The following MTMR3 variants were observed in gnomAD, a reference collection of about 807,000 sequenced individuals.
MTMR3 encodes phosphatidylinositol-3,5-bisphosphate 3-phosphatase MTMR3.
A neutral mutation model predicts 132.4 loss-of-function variants in MTMR3; 32 were observed. The observed-to-expected ratio is 0.24, with a 90% confidence interval of 0.18 to 0.32. The LOEUF (loss-of-function observed/expected upper bound fraction) is 0.32. MTMR3 is among the 10% of genes least tolerant of loss of function. The pLI is 1.00. For synonymous variants in MTMR3, 556 were observed against 550.3 expected, an observed-to-expected ratio of 1.01 and a Z score of -0.14; for missense variants, 1,216 against 1,489.6, an observed-to-expected ratio of 0.82 and a Z score of 3.02.
Position 30,007,103 on chromosome 22 carries a change from TC to T in MTMR3, c.672-9del. On this transcript the variant is annotated splice_polypyrimidine_tract_variant and intron_variant, in intron 9 of 19. Coordinates refer to ENST00000401950, the MANE Select transcript of MTMR3 (RefSeq NM_021090.4). Reference sequence around the variant, plus strand: ...AATGGGTACAGTTGTTGTCTCTTGTTCCTCACACAGGCACCAGAGCAATGGA... The same window carrying T: ...AATGGGTACAGTTGTTGTCTCTTGTTCTCACACAGGCACCAGAGCAATGGA... 6.2e-7 allele frequency: 1 copy of T among 1,613,136 alleles called. No individual in the cohort carries two copies. The highest frequency in any genetic ancestry group is 1.9e-4 in the Middle Eastern group (1 of 5,386).
intron 14 of MTMR3, 90 bp downstream of exon 14, chr22:30,013,631 C>G: frequency 2.4e-6 from 3 of 1,235,902 alleles, no homozygotes; most frequent in Non-Finnish European, 3.3e-6. Context: ...ACTGTGCTGC[C>G]TCTTCAGAAT....
At chr22:29,934,310 T>A (rs2065705874) in intron 1 of MTMR3, among the ~76,000 whole-genome samples, 1 of 152,052 alleles carries the variant, frequency 6.6e-6, no homozygotes, top group African/African-American at 2.4e-5. Flanking sequence ...GCTGAGATCG[T>A]GCCACTGCAC....
At chr22:29,922,793 C>T (rs1438229992) in intron 1 of MTMR3, among the ~76,000 whole-genome samples, 1 of 152,046 alleles carries the variant, frequency 6.6e-6, no homozygotes, top group Non-Finnish European at 1.5e-5. Flanking sequence ...ATCCACACAA[C>T]CCAGCCAGCA....
chr22:29,930,180 T>A (rs1175414779), intron 1 of MTMR3, among the ~76,000 whole-genome samples: 1 of 152,220 alleles, frequency 6.6e-6, no homozygotes, highest in Non-Finnish European at 1.5e-5. Context: ...TCGTATATTT[T>A]GGAAAATATA....
At chr22:29,938,530 G>C (rs1311058450) in intron 1 of MTMR3, among the ~76,000 whole-genome samples, 1 of 152,204 alleles carries the variant, frequency 6.6e-6, no homozygotes, top group Non-Finnish European at 1.5e-5. Context: ...GAATCATATA[G>C]AGAGAAATTT....
chr22:29,956,183 G>A (rs949301618), intron 1 of MTMR3, among the ~76,000 whole-genome samples: 2 of 152,214 alleles, frequency 1.3e-5, no homozygotes, highest in African/African-American at 4.8e-5. Context: ...AAAGGAACAG[G>A]TCGGTTAGAT....
At chr22:29,924,815 C>T (rs933995407) in intron 1 of MTMR3, among the ~76,000 whole-genome samples, 2 of 151,978 alleles carry the variant, frequency 1.3e-5, no homozygotes, top group Non-Finnish European at 2.9e-5. Flanking sequence ...CTTTTTTATG[C>T]TATTGTAAAT....
At chr22:29,929,267 C>T (rs1842858579) in intron 1 of MTMR3, among the ~76,000 whole-genome samples, 2 of 151,946 alleles carry the variant, frequency 1.3e-5, no homozygotes, top group Admixed American at 1.3e-4. Flanking sequence ...GGTGATAGAG[C>T]AAGACTCCAT....
chr22:30,023,746 G>A, intron 19 of MTMR3: 1 of 482,242 alleles, frequency 2.1e-6, no homozygotes, highest in Non-Finnish European at 3.7e-6. Context: ...AGTGCTTCTT[G>A]TCTTCTGGTC....
intron 1 of MTMR3, among the ~76,000 whole-genome samples, chr22:29,955,911 C>T (rs958913743): frequency 3.3e-5 from 5 of 152,104 alleles, no homozygotes; most frequent in African/African-American, 9.7e-5. Context: ...CCCACCACAC[C>T]CAGCTAATTT....
Position 30,026,187 on chromosome 22 carries a change from C to A in MTMR3, c.*386C>A, listed in dbSNP as rs1000722456. ...TGGTCAGAGCCAGGAGTATGGAGAT[C>A]TGAGACCGTGAGCAGGGAAGAAAGC... On this transcript the variant is annotated 3_prime_UTR_variant, in exon 20 of 20. Coordinates refer to ENST00000401950, the MANE Select transcript of MTMR3 (RefSeq NM_021090.4). The A allele has an allele frequency of 6.5e-5, 13 of 198,966 alleles. No homozygotes were observed. The highest frequency in any genetic ancestry group is 1.3e-4 in the Non-Finnish European group (13 of 96,388). 12.3% of individuals were successfully genotyped at this position (198,966 alleles called of 1,614,324 possible). A position where few individuals can be genotyped will look rare whatever the true frequency, so the allele number is the denominator to read the frequency against.
At chr22:29,950,504 C>T (rs1409542104) in intron 1 of MTMR3, among the ~76,000 whole-genome samples, 1 of 152,044 alleles carries the variant, frequency 6.6e-6, no homozygotes. Flanking sequence ...GCTGGGATTA[C>T]AGATGCACAC....
At chr22:30,014,368 T>G (rs1472109221) in intron 14 of MTMR3, 1 of 152,332 alleles carries the variant, frequency 6.6e-6, no homozygotes, top group Admixed American at 6.5e-5. Context: ...ACTCCTTCCT[T>G]GAAATGCTTT....
intron 1 of MTMR3, among the ~76,000 whole-genome samples, chr22:29,942,535 C>T (rs1054669529): frequency 6.6e-6 from 1 of 152,186 alleles, no homozygotes; most frequent in Non-Finnish European, 1.5e-5. Flanking sequence ...TTTCCTCTTC[C>T]TAATAAGCCT....
chr22:29,960,122 T>G (rs2066281545), intron 2 of MTMR3, among the ~76,000 whole-genome samples: 1 of 152,070 alleles, frequency 6.6e-6, no homozygotes, highest in Admixed American at 6.6e-5. Context: ...GTAAATGTAT[T>G]TAATTTTGAT....
At chr22:29,970,948 T>TGTTGGG in intron 2 of MTMR3, 28 bp from the exon 3 acceptor site, 1 of 685,458 alleles carries the variant, frequency 1.5e-6, no homozygotes, top group Non-Finnish European at 2.3e-6. Context: ...TTTTTTTTCT[T>TGTTGGG]CTTCCCCCTC....
At chr22:29,951,810 A>G (rs1480133604) in intron 1 of MTMR3, among the ~76,000 whole-genome samples, 1 of 150,182 alleles carries the variant, frequency 6.7e-6, no homozygotes, top group Non-Finnish European at 1.5e-5. Context: ...GTCATTATCT[A>G]TTGAAACAGA....
chr22:29,984,890 A>C (rs1687634596), intron 5 of MTMR3: 1 of 151,750 alleles, frequency 6.6e-6, no homozygotes, highest in Non-Finnish European at 1.5e-5. Flanking sequence ...GGCAGAAAGA[A>C]AGACACACCG....
intron 3 of MTMR3, among the ~76,000 whole-genome samples, chr22:29,973,299 C>T (rs974828899): frequency 9.9e-5 from 15 of 152,186 alleles, no homozygotes; most frequent in Admixed American, 8.5e-4. Context: ...TGGAAAATCT[C>T]AAGCCTATGC....
Sources: allele counts gnomAD v4.1 joint callset (sites outside exome capture counted in the v4.1 genomes callset), GRCh38; gene constraint gnomAD v4.1.1; transcripts MANE v1.5; gene names NCBI Gene and HGNC (gene_info 2026-07-23, HGNC 2026-07-21).